Variants in PRTFDC1 observed in about 807,000 individuals in gnomAD.
PRTFDC1 encodes phosphoribosyltransferase domain-containing protein 1.
In PRTFDC1, 38 loss-of-function variants were observed where a neutral mutation model predicts 34.6. That is an observed-to-expected ratio of 1.10 (90% confidence interval 0.85 to 1.44). The LOEUF (loss-of-function observed/expected upper bound fraction) is 1.44, where lower values mean the gene tolerates loss of function less well. PRTFDC1 is among the 40% of genes most tolerant of loss of function. The probability of loss-of-function intolerance (pLI) is 0.00; values close to 1 mark genes in which losing one functional copy is unlikely to be tolerated. For missense variants in PRTFDC1, 270 were observed against 283.0 expected (o/e 0.95, Z 0.33); for synonymous variants, 93 against 98.1 (o/e 0.95, Z 0.31).
At chr10:24,949,207 A>T (rs541039664) in intron 1 of PRTFDC1, among the ~76,000 whole-genome samples, 1 of 152,106 alleles carries the variant, frequency 6.6e-6, no homozygotes, top group South Asian at 2.1e-4. Context: ...CTCCCACCTC[A>T]GCCTCCCCGG....
intron 3 of PRTFDC1, among the ~76,000 whole-genome samples, chr10:24,903,464 T>C (rs1848480457): frequency 6.6e-6 from 1 of 152,184 alleles, no homozygotes; most frequent in Admixed American, 6.5e-5. Context: ...TGCACTTCAA[T>C]TCAAAGTTTT....
chr10:24,855,073 T>G (rs138379547), intron 7 of PRTFDC1, among the ~76,000 whole-genome samples: 10 of 152,164 alleles, frequency 6.6e-5, no homozygotes, highest in African/African-American at 2.4e-4. Flanking sequence ...AAATACCCAA[T>G]GCACGGAACA....
chr10:24,860,026 G>A (rs1382199912), intron 4 of PRTFDC1, among the ~76,000 whole-genome samples: 3 of 152,130 alleles, frequency 2.0e-5, no homozygotes, highest in African/African-American at 4.8e-5. Context: ...TCCTTTCAAC[G>A]TAATGGTGTT....
intron 3 of PRTFDC1, among the ~76,000 whole-genome samples, chr10:24,914,901 C>T (rs1308024136): frequency 1.3e-5 from 2 of 152,110 alleles, no homozygotes; most frequent in African/African-American, 4.8e-5. Flanking sequence ...TGATACAGTT[C>T]TAGGGGCCTT....
intron 3 of PRTFDC1, among the ~76,000 whole-genome samples, chr10:24,881,069 C>CTTCT (rs142062779): frequency 3.8e-4 from 52 of 137,470 alleles, no homozygotes; most frequent in East Asian, 1.5e-3. Context: ...TCCTTCCTTC[C>CTTCT]TTCTTTCTTT....
intron 3 of PRTFDC1, among the ~76,000 whole-genome samples, chr10:24,901,509 G>T (rs536025031): frequency 6.6e-6 from 1 of 152,244 alleles, no homozygotes; most frequent in Non-Finnish European, 1.5e-5. Flanking sequence ...AGAATTGCTT[G>T]AGTCCAGCAG....
At chr10:24,901,350 G>A (rs778193208) in intron 3 of PRTFDC1, among the ~76,000 whole-genome samples, 73 of 152,168 alleles carry the variant, frequency 4.8e-4, no homozygotes, top group Admixed American at 4.0e-3. Context: ...GCCTGAGAGA[G>A]TGTAATAAAA....
intron 3 of PRTFDC1, among the ~76,000 whole-genome samples, chr10:24,910,110 G>A (rs567284974): frequency 7.9e-5 from 12 of 152,120 alleles, no homozygotes; most frequent in Non-Finnish European, 1.3e-4. Context: ...GCTGCGAGCC[G>A]AAATCGTGCC....
chr10:24,937,235 T>A lies in PRTFDC1; in HGVS notation c.288A>T (p.Ser96=). The A allele has an allele frequency of 6.2e-7, 1 of 1,613,970 alleles. No individual in the cohort carries two copies. Among genetic ancestry groups the A allele is most frequent in the Non-Finnish European group, 8.5e-7 (1 of 1,179,976 alleles). Residue 96 remains serine (S), a synonymous_variant, in exon 3 of 9, where the codon TCA becomes TCT. Transcript: ENST00000320152. ...VEHLKNISRN[S]DRFVSMKVDF... is the part of the protein sequence containing the mutation. Reference sequence around the variant, plus strand: ...CAACCTTCATTGAGACAAATCGATCTGAATTTCGGCTGATGTTCTTAAGGT... The same window carrying A: ...CAACCTTCATTGAGACAAATCGATCAGAATTTCGGCTGATGTTCTTAAGGT...
intron 3 of PRTFDC1, among the ~76,000 whole-genome samples, chr10:24,927,036 A>G (rs2132592194): frequency 6.6e-6 from 1 of 152,358 alleles, no homozygotes; most frequent in East Asian, 1.9e-4. Flanking sequence ...ATAACAAAAA[A>G]TACTGAGATT....
At chr10:24,941,055 TG>T (rs1849148128) in intron 2 of PRTFDC1, among the ~76,000 whole-genome samples, 1 of 151,706 alleles carries the variant, frequency 6.6e-6, no homozygotes, top group African/African-American at 2.4e-5. Flanking sequence ...TGTGTGTGTG[TG>T]TGTGTTTGTG....
intron 3 of PRTFDC1, among the ~76,000 whole-genome samples, chr10:24,918,812 T>C (rs1223696558): frequency 6.6e-6 from 1 of 152,172 alleles, no homozygotes; most frequent in Non-Finnish European, 1.5e-5. Context: ...AACCTCATCA[T>C]TTTACAAATG....
chr10:24,931,358 A>T (rs1848968467), intron 3 of PRTFDC1, among the ~76,000 whole-genome samples: 1 of 152,080 alleles, frequency 6.6e-6, no homozygotes, highest in African/African-American at 2.4e-5. Context: ...CCCCAAAACA[A>T]ACAGAAGGAA....
intron 3 of PRTFDC1, among the ~76,000 whole-genome samples, chr10:24,877,825 T>C (rs1350938854): frequency 6.6e-6 from 1 of 152,136 alleles, no homozygotes; most frequent in Admixed American, 6.5e-5. Flanking sequence ...TTCGCCATGT[T>C]GGTCAGGCTG....
At chr10:24,877,111 G>A (rs189138668) in intron 3 of PRTFDC1, among the ~76,000 whole-genome samples, 1 of 152,132 alleles carries the variant, frequency 6.6e-6, no homozygotes, top group Admixed American at 6.5e-5. Flanking sequence ...CTCAGTGATA[G>A]TCCCCTCCAC....
intron 3 of PRTFDC1, among the ~76,000 whole-genome samples, chr10:24,900,888 G>A (rs1848439400): frequency 2.0e-5 from 3 of 152,296 alleles, no homozygotes; most frequent in East Asian, 3.9e-4. Context: ...GAAGAGCTCT[G>A]TTTCCCAGGC....
intron 3 of PRTFDC1, among the ~76,000 whole-genome samples, chr10:24,896,141 T>C (rs570795434): frequency 6.6e-6 from 1 of 152,258 alleles, no homozygotes; most frequent in African/African-American, 2.4e-5. Flanking sequence ...TTGGTACTGG[T>C]CTGTGGTCGT....
At chr10:24,851,515 A>G in intron 7 of PRTFDC1, 51 bp from the exon 8 acceptor site, 4 of 1,582,866 alleles carry the variant, frequency 2.5e-6, no homozygotes, top group Middle Eastern at 1.7e-4. Context: ...TTTAGATTAT[A>G]TAAATGCAAG....
intron 3 of PRTFDC1, among the ~76,000 whole-genome samples, chr10:24,884,085 G>T (rs1032836576): frequency 4.6e-5 from 7 of 151,518 alleles, no homozygotes; most frequent in Non-Finnish European, 7.4e-5. Context: ...ACCTGCCTCG[G>T]CCTCCCAAAG....
Sources: allele counts gnomAD v4.1 joint callset (sites outside exome capture counted in the v4.1 genomes callset), GRCh38; gene constraint gnomAD v4.1.1; transcripts MANE v1.5; gene names NCBI Gene and HGNC (gene_info 2026-07-23, HGNC 2026-07-21).